The following DNAH6 variants were observed in gnomAD, a reference collection of about 807,000 sequenced individuals.
DNAH6 encodes dynein axonemal heavy chain 6.
A neutral mutation model predicts 491.4 loss-of-function variants in DNAH6; 340 were observed. The observed-to-expected ratio is 0.69, with a 90% CI of 0.63 to 0.76. DNAH6 has a LOEUF of 0.76. DNAH6 is among the 30% of genes least tolerant of loss of function. The probability of loss-of-function intolerance (pLI) is 0.00; values close to 1 mark genes in which losing one functional copy is unlikely to be tolerated. For synonymous variants in DNAH6, 1,603 were observed against 1,686.1 expected (o/e 0.95, Z 1.21); for missense variants, 4,443 against 4,972.2 (o/e 0.89, Z 3.20).
At chr2:84,758,762 C>G (rs1484737656) in intron 63 of DNAH6, among the ~76,000 whole-genome samples, 2 of 152,110 alleles carry the variant, frequency 1.3e-5, no homozygotes, top group Admixed American at 1.3e-4. Flanking sequence ...TAAAAACCCT[C>G]AACAAATTAG....
intron 63 of DNAH6, among the ~76,000 whole-genome samples, chr2:84,755,362 C>G (rs1349695500): frequency 6.6e-6 from 1 of 152,202 alleles, no homozygotes; most frequent in African/African-American, 2.4e-5. Context: ...GGACTTCAGC[C>G]TCCAGAACCA....
At chr2:84,567,779 A>T (rs1383831906) in intron 11 of DNAH6, among the ~76,000 whole-genome samples, 1 of 152,204 alleles carries the variant, frequency 6.6e-6, no homozygotes, top group Non-Finnish European at 1.5e-5. Context: ...ATTGCAACAA[A>T]AGCAAAAATT....
At chr2:84,478,773 C>T in the DNAH6 span, among the ~76,000 whole-genome samples, 2 of 152,218 alleles carry the variant, frequency 1.3e-5, no homozygotes, top group East Asian at 1.9e-4. Flanking sequence ...TTAGAATTTC[C>T]CTGAATTGGG....
At chr2:84,786,129 T>TGAAA (rs2105242539) in intron 67 of DNAH6, among the ~76,000 whole-genome samples, 1 of 151,674 alleles carries the variant, frequency 6.6e-6, no homozygotes, top group East Asian at 1.9e-4. Context: ...AATGAATGAA[T>TGAAA]GAATGAATGA....
chr2:84,464,979 T>C, the DNAH6 span, among the ~76,000 whole-genome samples: 2 of 152,042 alleles, frequency 1.3e-5, no homozygotes, highest in Non-Finnish European at 2.9e-5. Context: ...CTCCCTTTTA[T>C]AAGAGAACCC....
At chr2:84,478,688 G>A in the DNAH6 span, among the ~76,000 whole-genome samples, 5 of 152,158 alleles carry the variant, frequency 3.3e-5, no homozygotes, top group Non-Finnish European at 5.9e-5. Context: ...GAAAGGAAGC[G>A]AAGAGAGCAA....
intron 22 of DNAH6, among the ~76,000 whole-genome samples, chr2:84,613,466 G>A (rs532354084): frequency 6.6e-6 from 1 of 152,258 alleles, no homozygotes; most frequent in East Asian, 1.9e-4. Context: ...CCATGATCAA[G>A]ACTGCGGATT....
At chr2:84,698,858 T>C (rs962110234) in intron 47 of DNAH6, among the ~76,000 whole-genome samples, 3 of 152,058 alleles carry the variant, frequency 2.0e-5, no homozygotes, top group Non-Finnish European at 4.4e-5. Flanking sequence ...ACACAGCCAT[T>C]AAAAATAATG....
At chr2:84,537,443 G>T (rs1415125129) in intron 4 of DNAH6, among the ~76,000 whole-genome samples, 2 of 151,940 alleles carry the variant, frequency 1.3e-5, no homozygotes, top group Non-Finnish European at 2.9e-5. Flanking sequence ...ACTCAATGTG[G>T]ATCTCATCTT....
intron 3 of DNAH6, among the ~76,000 whole-genome samples, chr2:84,526,747 A>G (rs1676640505): frequency 6.6e-6 from 1 of 152,168 alleles, no homozygotes; most frequent in Non-Finnish European, 1.5e-5. Flanking sequence ...ATGGAATTAT[A>G]AAGCTTCAGT....
chr2:84,707,801 G>A, intron 54 of DNAH6, 85 bp downstream of exon 54: 1 of 1,013,502 alleles, frequency 9.9e-7, no homozygotes, highest in Non-Finnish European at 1.5e-6. Flanking sequence ...AGTTCAGATG[G>A]AGGCTCTCCA....
chr2:84,642,108 G>A (rs1165086838), intron 33 of DNAH6, 54 bp downstream of exon 33: 9 of 1,154,566 alleles, frequency 7.8e-6, no homozygotes, highest in Admixed American at 2.4e-5. Context: ...GAGGCAAATG[G>A]TAGTCTTTTC....
chr2:84,513,586 T>C (rs898773171), upstream of DNAH6, among the ~76,000 whole-genome samples: 6 of 152,208 alleles, frequency 3.9e-5, no homozygotes, highest in African/African-American at 1.2e-4. Context: ...AGTTCTAATA[T>C]ATAATGTGTT....
chr2:84,561,408 A>C (rs1680657702), intron 11 of DNAH6, among the ~76,000 whole-genome samples: 1 of 152,194 alleles, frequency 6.6e-6, no homozygotes, highest in African/African-American at 2.4e-5. Flanking sequence ...TAAAAACTTA[A>C]ACGTTAGACC....
chr2:84,552,764 C>G (rs1202255627), intron 9 of DNAH6, among the ~76,000 whole-genome samples, 154 bp from the exon 10 acceptor site: 4 of 151,834 alleles, frequency 2.6e-5, no homozygotes, highest in Non-Finnish European at 5.9e-5. Context: ...TTTTTTCTTT[C>G]TGTTCTTTAT....
At chr2:84,529,867 C>T (rs1159763690) in intron 4 of DNAH6, among the ~76,000 whole-genome samples, 1 of 152,154 alleles carries the variant, frequency 6.6e-6, no homozygotes, top group Non-Finnish European at 1.5e-5. Context: ...TCTTATTCTC[C>T]CTTATTCAGC....
chr2:84,591,368 A>G (rs551059248), intron 16 of DNAH6, among the ~76,000 whole-genome samples: 109 of 152,316 alleles, frequency 7.2e-4, no homozygotes, highest in African/African-American at 2.4e-3. Flanking sequence ...CATGCCATTT[A>G]CAACAGAATC....
chr2:84,707,536 G>A lies in DNAH6; in HGVS notation c.8868G>A (p.Leu2956=), dbSNP rs1007881588. 1.3e-6 allele frequency: 2 copies of A among 1,551,104 alleles called. No homozygotes were observed. The highest frequency in any genetic ancestry group is 3.9e-5 in the Admixed American group (2 of 50,964). The change falls in exon 54 of 77, where the codon CTG becomes CTA. Residue 2956 remains leucine (L), a synonymous_variant. Coordinates refer to ENST00000389394, the MANE Select transcript of DNAH6 (RefSeq NM_001370.2). ...EKESLAKTMA[L]TKARLVRAGK... ...TTTTTCTAGCAAAGACCATGGCCCTGACAAAAGCACGTCTAGTACGTGCTG... is the reference window on the plus strand; with the variant it reads ...TTTTTCTAGCAAAGACCATGGCCCTAACAAAAGCACGTCTAGTACGTGCTG...
chr2:84,764,680 A>G (rs367672531), intron 64 of DNAH6, among the ~76,000 whole-genome samples: 157 of 152,250 alleles, frequency 1.0e-3, no homozygotes, highest in African/African-American at 3.6e-3. Flanking sequence ...GACTTCTGTG[A>G]TATTTCATTT....
Sources: allele counts gnomAD v4.1 joint callset (sites outside exome capture counted in the v4.1 genomes callset), GRCh38; gene constraint gnomAD v4.1.1; transcripts MANE v1.5; gene names NCBI Gene and HGNC (gene_info 2026-07-23, HGNC 2026-07-21).